The following PPP2R2B variants were observed in gnomAD, a reference collection of about 807,000 sequenced individuals.
The protein encoded by PPP2R2B is serine/threonine-protein phosphatase 2A 55 kDa regulatory subunit B beta isoform.
Under a neutral mutation model 46.0 loss-of-function variants are expected in PPP2R2B, and 5 were observed. The observed-to-expected ratio is 0.11, with a 90% CI of 0.06 to 0.23. The LOEUF is 0.23. Among genes scored for constraint, PPP2R2B ranks in the 10% least tolerant of loss-of-function variants. The pLI is 1.00. For synonymous variants in PPP2R2B, 215 were observed against 206.7 expected, an observed-to-expected ratio of 1.04 and a Z score of -0.34; for missense variants, 367 against 575.0, an observed-to-expected ratio of 0.64 and a Z score of 3.70.
At chr5:146,974,105 T>C (rs1392005750) in intron 1 of PPP2R2B, among the ~76,000 whole-genome samples, 1 of 152,078 alleles carries the variant, frequency 6.6e-6, no homozygotes, top group Admixed American at 6.5e-5. Context: ...GTAGATCTAT[T>C]TGGAATCCGG....
chr5:146,753,893 C>G (rs1467116014), intron 2 of PPP2R2B, among the ~76,000 whole-genome samples: 1 of 152,032 alleles, frequency 6.6e-6, no homozygotes, highest in African/African-American at 2.4e-5. Context: ...TGAAAACCTC[C>G]AAGTCCTTTG....
chr5:147,009,684 T>C (rs1328077566), intron 1 of PPP2R2B, among the ~76,000 whole-genome samples: 2 of 151,940 alleles, frequency 1.3e-5, no homozygotes, highest in Non-Finnish European at 2.9e-5. Context: ...AGATATCACT[T>C]CACATGTTTT....
chr5:146,849,687 G>C (rs1760224027), intron 2 of PPP2R2B, among the ~76,000 whole-genome samples: 1 of 152,124 alleles, frequency 6.6e-6, no homozygotes, highest in Non-Finnish European at 1.5e-5. Flanking sequence ...CCAGTGAAGG[G>C]AAAATGACAG....
chr5:147,052,841 T>C (rs1270872935), intron 1 of PPP2R2B, among the ~76,000 whole-genome samples: 1 of 152,018 alleles, frequency 6.6e-6, no homozygotes, highest in Non-Finnish European at 1.5e-5. Flanking sequence ...GACTGCTACA[T>C]GGAGAACCAA....
intron 5 of PPP2R2B, among the ~76,000 whole-genome samples, chr5:146,653,769 G>C (rs143454998): frequency 6.6e-6 from 1 of 152,154 alleles, no homozygotes; most frequent in Non-Finnish European, 1.5e-5. Context: ...CATATTCCAT[G>C]ATGTACTACT....
chr5:146,870,517 G>A (rs1761555276), intron 2 of PPP2R2B, among the ~76,000 whole-genome samples: 3 of 152,144 alleles, frequency 2.0e-5, no homozygotes, highest in Non-Finnish European at 2.9e-5. Context: ...CACCTTGATC[G>A]TGGACTTCCA....
chr5:146,743,808 T>C (rs2151224397), intron 2 of PPP2R2B, among the ~76,000 whole-genome samples: 1 of 152,312 alleles, frequency 6.6e-6, no homozygotes, highest in Non-Finnish European at 1.5e-5. Flanking sequence ...GTGCCTCAAA[T>C]ATGGCCACAA....
intron 1 of PPP2R2B, among the ~76,000 whole-genome samples, chr5:146,996,915 C>T (rs954182657): frequency 1.3e-5 from 2 of 152,104 alleles, no homozygotes; most frequent in Non-Finnish European, 1.5e-5. Flanking sequence ...TCCAGGCCTG[C>T]CCTACTTGGT....
upstream of PPP2R2B, among the ~76,000 whole-genome samples, chr5:147,059,742 G>C (rs1369591425): frequency 6.6e-6 from 1 of 152,190 alleles, no homozygotes; most frequent in Non-Finnish European, 1.5e-5. Flanking sequence ...CTTGAGTGCT[G>C]TGCTCTGAAC....
chr5:146,740,867 G>C (rs879490174), intron 2 of PPP2R2B, among the ~76,000 whole-genome samples: 5 of 152,034 alleles, frequency 3.3e-5, no homozygotes, highest in Non-Finnish European at 7.4e-5. Flanking sequence ...GTGTCTCATA[G>C]GCCATGAAGC....
intron 2 of PPP2R2B, among the ~76,000 whole-genome samples, chr5:146,856,068 GACCCCA>G (rs1760644461): frequency 6.6e-6 from 1 of 151,766 alleles, no homozygotes; most frequent in South Asian, 2.1e-4. Context: ...TTTGCCTCTT[GACCCCA>G]AGCTCTTTTT....
rs1361936722 is a variant in PPP2R2B at position 146,588,701 on chromosome 5, C to CCAT, written c.*1243_*1245dup. On this transcript the variant is annotated 3_prime_UTR_variant, in exon 10 of 10. Transcript: ENST00000394411. ...ATCCTCAACTGGGGAAAAGGATGAA[C>CCAT]CATCTTCCACAGCTTCAAGTGGACT... is the stretch of plus-strand genomic sequence containing the variant. 1 of 151,068 alleles carries CCAT rather than the reference C, an allele frequency of 6.6e-6. No individual in the cohort carries two copies. The highest frequency in any genetic ancestry group is 2.5e-5 in the African/African-American group (1 of 40,354). 9.4% of individuals were successfully genotyped at this position (151,068 alleles called of 1,614,324 possible). A position where few individuals can be genotyped will look rare whatever the true frequency, so the allele number is the denominator to read the frequency against.
At chr5:146,946,793 A>C (rs183997284) in intron 1 of PPP2R2B, among the ~76,000 whole-genome samples, 1 of 152,078 alleles carries the variant, frequency 6.6e-6, no homozygotes, top group Non-Finnish European at 1.5e-5. Flanking sequence ...CCATTACAGA[A>C]GGATTGTTTC....
At chr5:146,865,435 A>T (rs910511177) in intron 2 of PPP2R2B, among the ~76,000 whole-genome samples, 1 of 152,170 alleles carries the variant, frequency 6.6e-6, no homozygotes, top group Non-Finnish European at 1.5e-5. Context: ...TGTACAGTCA[A>T]AATTTTCATA....
intron 2 of PPP2R2B, among the ~76,000 whole-genome samples, chr5:146,850,019 A>C (rs1420821957): frequency 6.6e-6 from 1 of 152,098 alleles, no homozygotes; most frequent in Admixed American, 6.6e-5. Context: ...GTACAAAGGG[A>C]AAGGTGCTAA....
chr5:146,845,364 G>A (rs1192741101), intron 2 of PPP2R2B, among the ~76,000 whole-genome samples: 1 of 140,210 alleles, frequency 7.1e-6, no homozygotes. Flanking sequence ...GGAGTGCAGT[G>A]GCACACTCTT....
intron 2 of PPP2R2B, chr5:146,707,575 G>C (rs1014262313): frequency 1.4e-6 from 1 of 702,816 alleles, no homozygotes; most frequent in Non-Finnish European, 2.6e-6. Context: ...ACACCTTGTA[G>C]GACTTCTGCA....
chr5:146,858,704 A>T (rs1393797090), intron 2 of PPP2R2B, among the ~76,000 whole-genome samples: 1 of 152,140 alleles, frequency 6.6e-6, no homozygotes, highest in East Asian at 1.9e-4. Context: ...TCCAAATGGT[A>T]GATATCTGTG....
intron 1 of PPP2R2B, among the ~76,000 whole-genome samples, chr5:146,955,774 CTTT>C (rs5872000): frequency 1.5e-4 from 17 of 115,654 alleles, no homozygotes; most frequent in African/African-American, 4.4e-4. Flanking sequence ...CTTTCTATTA[CTTT>C]TTTTTTTTTT....
Sources: gnomAD v4.1 joint callset for allele counts (sites outside exome capture counted in the v4.1 genomes callset) on GRCh38, gnomAD v4.1.1 for gene constraint, MANE v1.5 for transcripts, NCBI Gene and HGNC (gene_info 2026-07-23, HGNC 2026-07-21) for gene names.